MGAM2: variants seen among roughly 807,000 people sequenced by gnomAD.
MGAM2 encodes probable maltase-glucoamylase 2.
A neutral mutation model predicts 96.1 loss-of-function variants in MGAM2; 98 were observed. The ratio of observed to expected loss-of-function variants is 1.02; its 90% CI spans 0.87 to 1.21. The LOEUF (loss-of-function observed/expected upper bound fraction) is 1.21, where lower values mean the gene tolerates loss of function less well. MGAM2 is among the 50% of genes most tolerant of loss of function. The pLI, the probability that MGAM2 is intolerant of heterozygous loss-of-function variation, is 0.00. For missense variants in MGAM2, 2,055 were observed against 1,182.4 expected, an observed-to-expected ratio of 1.74 and a Z score of -10.82; for synonymous variants, 749 against 414.8, an observed-to-expected ratio of 1.81 and a Z score of -9.79.
intron 37 of MGAM2, among the ~76,000 whole-genome samples, chr7:142,194,794 T>C (rs1796981346): frequency 6.6e-6 from 1 of 151,960 alleles, no homozygotes; most frequent in East Asian, 1.9e-4. Flanking sequence ...TGGATTAGTT[T>C]ACACAACAGT....
Position 142,158,107 on chromosome 7 carries a change from C to A in MGAM2, c.2078+16C>A. On this transcript the variant is annotated intron_variant, in intron 18 of 47. Transcript: ENST00000477922. ...TTGTACATGAGTGAGTTTCCTGATT[C>A]TCAAAGACTCCCTTTCTGATTGTAG... The A allele has an allele frequency of 1.4e-6, 1 of 701,430 alleles. No individual in the cohort carries two copies. The highest frequency in any genetic ancestry group is 2.6e-6 in the Non-Finnish European group (1 of 384,260). The allele number at this position is 701,430 out of a possible 1,614,324, so 43.5% of individuals were successfully genotyped here.
At chr7:142,197,610 G>A in intron 41 of MGAM2, 34 bp from the exon 42 acceptor site, 1 of 703,016 alleles carries the variant, frequency 1.4e-6, no homozygotes, top group Non-Finnish European at 2.6e-6. Flanking sequence ...AGTCATAAGA[G>A]GATAGGTGAA....
chr7:142,162,121 T>A (rs1426462205), intron 23 of MGAM2, 117 bp downstream of exon 23: 1 of 497,626 alleles, frequency 2.0e-6, no homozygotes, highest in Non-Finnish European at 3.5e-6. Context: ...TTTACTGTCA[T>A]GATTCCAAAA....
At chr7:142,174,222 C>T (rs897299205) in intron 31 of MGAM2, among the ~76,000 whole-genome samples, 1 of 152,130 alleles carries the variant, frequency 6.6e-6, no homozygotes, top group Non-Finnish European at 1.5e-5. Flanking sequence ...TGAAGAATGT[C>T]AATGGTAGAT....
intron 1 of MGAM2, among the ~76,000 whole-genome samples, chr7:142,114,216 G>GAAAGAAAGAAAGAGAGAA (rs1554499599): frequency 5.9e-4 from 40 of 68,050 alleles, no homozygotes; most frequent in Admixed American, 8.1e-4. Context: ...GAAAGAAAGA[G>GAAAGAAAGAAAGAGAGAA]AGAAAGAAAG....
chr7:142,184,976 G>T, intron 33 of MGAM2, 101 bp from the exon 34 acceptor site: 4 of 553,950 alleles, frequency 7.2e-6, no homozygotes, highest in South Asian at 5.1e-5. Context: ...ATTCCCAAGC[G>T]TTTCATGGAG....
chr7:142,139,679 A>G (rs1201168345), intron 10 of MGAM2, among the ~76,000 whole-genome samples: 5 of 151,506 alleles, frequency 3.3e-5, no homozygotes, highest in Admixed American at 6.6e-5. Flanking sequence ...AAAAAAAAAA[A>G]AGAATATGAT....
intron 46 of MGAM2, among the ~76,000 whole-genome samples, chr7:142,208,868 C>G (rs1797491004): frequency 6.6e-6 from 1 of 152,086 alleles, no homozygotes; most frequent in Non-Finnish European, 1.5e-5. Context: ...AAAATGGGGC[C>G]TTAAATGTGT....
chr7:142,160,672 G>A (rs1795861108), intron 21 of MGAM2, among the ~76,000 whole-genome samples: 1 of 151,064 alleles, frequency 6.6e-6, no homozygotes, highest in Non-Finnish European at 1.5e-5. Flanking sequence ...TTCAAGCCTT[G>A]GTTTGGGCTA....
At chr7:142,112,191 C>T (rs1473321102) in intron 1 of MGAM2, among the ~76,000 whole-genome samples, 3 of 151,794 alleles carry the variant, frequency 2.0e-5, no homozygotes, top group Admixed American at 1.3e-4. Context: ...TGAATTCCTC[C>T]CAGCTTTGGG....
rs946481405 is a variant in MGAM2, at chr7:142,177,733, A to G, written c.3816+1953A>G. ...TTTTATGGCTGTGTATTATTCCATG[A>G]TATATATGTACCATATTTTCTTTAT... On this transcript the variant is annotated intron_variant, in intron 32 of 47. Transcript: ENST00000477922. 2.0e-5 allele frequency among the ~76,000 whole-genome samples: 3 copies of G among 152,252 alleles called. No homozygotes were observed. In the East Asian group the frequency reaches 5.8e-4, roughly 29 times the overall value.
At chr7:142,215,812 A>T (rs1797744180) in intron 46 of MGAM2, among the ~76,000 whole-genome samples, 1 of 151,898 alleles carries the variant, frequency 6.6e-6, no homozygotes, top group Non-Finnish European at 1.5e-5. Context: ...AAATGTTGTA[A>T]TAATAACATT....
At chr7:142,184,887 A>C (rs1796647596) in intron 33 of MGAM2, among the ~76,000 whole-genome samples, 190 bp from the exon 34 acceptor site, 2 of 151,758 alleles carry the variant, frequency 1.3e-5, no homozygotes, top group African/African-American at 4.8e-5. Flanking sequence ...GAAAACATAG[A>C]ATGAATCAAG....
At chr7:142,185,347 A>G (rs1317898545) in intron 34 of MGAM2, among the ~76,000 whole-genome samples, 2 of 152,188 alleles carry the variant, frequency 1.3e-5, no homozygotes, top group Non-Finnish European at 2.9e-5. Context: ...GAAATCATCA[A>G]TGAAATCCTC....
In MGAM2 at chr7:142,160,116, G is replaced by C. The variant is rs1795845768; in HGVS notation, c.2221-18G>C. 1 of 697,538 alleles carries C rather than the reference G, an allele frequency of 1.4e-6. No individual in the cohort carries two copies. The highest frequency in any genetic ancestry group is 2.0e-5 in the Admixed American group (1 of 49,158). 43.2% of individuals were successfully genotyped at this position (697,538 alleles called of 1,614,324 possible). On this transcript the variant is annotated intron_variant, in intron 20 of 47. Transcript: ENST00000477922. ...CAGCTTATTACCTGATCTATCTTTT[G>C]TTGTTGTTGCTGATTAGGGAGTGGC...
Position 142,218,426 on chromosome 7 carries a change from G to A in MGAM2, c.5253G>A (p.Gly1751=), listed in dbSNP as rs76882422. 2,518 of 702,520 alleles carry A rather than the reference G, an allele frequency of 3.6e-3. 40 individuals carry two copies. Among genetic ancestry groups the A allele is most frequent in the African/African-American group, 0.036 (2,052 of 57,312 alleles). The allele number at this position is 702,520 out of a possible 1,614,324, so 43.5% of individuals were successfully genotyped here. A position where few individuals can be genotyped will look rare whatever the true frequency, so the allele number is the denominator to read the frequency against. ...GTGACTCGAATCCACTAAAAGTTGG[G>A]TATATTAGAATCTGGGGTGTGAATA... ...YLSDSNPLKV[G]YIRIWGVNTY... is the part of the protein sequence containing the mutation. The change falls in exon 47 of 48, where the codon GGG becomes GGA. Residue 1751 remains glycine, a synonymous_variant. Transcript: ENST00000477922.
At chr7:142,180,483 C>A (rs1054317955) in intron 32 of MGAM2, among the ~76,000 whole-genome samples, 4 of 152,098 alleles carry the variant, frequency 2.6e-5, no homozygotes. Flanking sequence ...GATGTAGGCA[C>A]TTATGGCTAT....
chr7:142,121,513 T>C (rs949585042), intron 3 of MGAM2, among the ~76,000 whole-genome samples: 4 of 152,186 alleles, frequency 2.6e-5, no homozygotes, highest in African/African-American at 7.2e-5. Context: ...CTGAGTTTTA[T>C]GTTTCTCTTA....
At chr7:142,169,291 G>A (rs1250270485) in intron 26 of MGAM2, among the ~76,000 whole-genome samples, 3 of 152,112 alleles carry the variant, frequency 2.0e-5, no homozygotes, top group African/African-American at 7.2e-5. Context: ...GCCTGGTGGT[G>A]CGCACCTGTA....
Sources: gnomAD v4.1 joint callset for allele counts (sites outside exome capture counted in the v4.1 genomes callset) on GRCh38, gnomAD v4.1.1 for gene constraint, MANE v1.5 for transcripts, NCBI Gene and HGNC (gene_info 2026-07-23, HGNC 2026-07-21) for gene names.